Variants in IQCM observed in about 807,000 individuals in gnomAD.
IQCM encodes the protein IQ domain-containing protein M.
A neutral mutation model predicts 57.6 loss-of-function variants in IQCM; 45 were observed. The ratio of observed to expected loss-of-function variants is 0.78; its 90% confidence interval spans 0.62 to 1.00. The LOEUF (loss-of-function observed/expected upper bound fraction) is 1.00. Ranked by LOEUF, IQCM falls within the 50% of genes least tolerant of loss-of-function variation. The pLI, the probability that IQCM is intolerant of heterozygous loss-of-function variation, is 0.00. For synonymous variants in IQCM, 148 were observed against 158.9 expected, an observed-to-expected ratio of 0.93 and a Z score of 0.51; for missense variants, 468 against 511.6, an observed-to-expected ratio of 0.91 and a Z score of 0.82.
chr4:149,363,152 A>C (rs1729608041), intron 13 of IQCM, among the ~76,000 whole-genome samples: 1 of 152,224 alleles, frequency 6.6e-6, no homozygotes, highest in East Asian at 1.9e-4. Flanking sequence ...CTCTGGGATC[A>C]GGGTAACTAG....
At chr4:149,510,642 G>A (rs1670835430) in intron 12 of IQCM, among the ~76,000 whole-genome samples, 1 of 151,980 alleles carries the variant, frequency 6.6e-6, no homozygotes, top group African/African-American at 2.4e-5. Flanking sequence ...ATGTCTTTCT[G>A]GTATCCTCTG....
intron 12 of IQCM, among the ~76,000 whole-genome samples, chr4:149,439,503 A>G (rs369139924): frequency 2.0e-5 from 3 of 152,066 alleles, no homozygotes; most frequent in African/African-American, 7.2e-5. Context: ...AATAACTCCA[A>G]TAGAATTATA....
chr4:149,807,016 C>T (rs1195535882), intron 2 of IQCM, among the ~76,000 whole-genome samples: 2 of 151,288 alleles, frequency 1.3e-5, no homozygotes, highest in Non-Finnish European at 3.0e-5. Context: ...GAAGAGGACA[C>T]AAAAAAATGG....
intron 8 of IQCM, among the ~76,000 whole-genome samples, chr4:149,588,627 G>C (rs1475253865): frequency 1.3e-5 from 2 of 151,760 alleles, no homozygotes; most frequent in Non-Finnish European, 2.9e-5. Flanking sequence ...ACGAGGAAAA[G>C]ATACCCAAGA....
At chr4:149,694,999 A>G (rs1045059991) in intron 5 of IQCM, among the ~76,000 whole-genome samples, 1 of 152,210 alleles carries the variant, frequency 6.6e-6, no homozygotes, top group African/African-American at 2.4e-5. Context: ...TTAAAGTTTC[A>G]AATTTATAGA....
chr4:149,757,943 T>C (rs2149954410), intron 2 of IQCM, among the ~76,000 whole-genome samples: 1 of 152,252 alleles, frequency 6.6e-6, no homozygotes. Context: ...ACTCATTGAT[T>C]AAACCATAGA....
At chr4:149,688,289 C>T (rs1399772423) in intron 5 of IQCM, among the ~76,000 whole-genome samples, 1 of 151,968 alleles carries the variant, frequency 6.6e-6, no homozygotes. Flanking sequence ...AAATCAGTAG[C>T]TCTTCCATAC....
intron 12 of IQCM, among the ~76,000 whole-genome samples, chr4:149,535,513 C>A (rs932562214): frequency 6.6e-6 from 1 of 151,958 alleles, no homozygotes; most frequent in Non-Finnish European, 1.5e-5. Flanking sequence ...CAAAAGGAAC[C>A]AAAAGTCCTG....
chr4:149,452,495 T>G (rs1579104693), intron 12 of IQCM, among the ~76,000 whole-genome samples: 1 of 151,388 alleles, frequency 6.6e-6, no homozygotes, highest in South Asian at 2.1e-4. Flanking sequence ...AATAAATAGA[T>G]CAATAGAATT....
intron 5 of IQCM, among the ~76,000 whole-genome samples, chr4:149,692,666 G>A (rs1763027300): frequency 6.6e-6 from 1 of 152,014 alleles, no homozygotes; most frequent in Non-Finnish European, 1.5e-5. Flanking sequence ...CTCTAAAAAG[G>A]CAATTAAAAC....
intron 10 of IQCM, among the ~76,000 whole-genome samples, chr4:149,554,776 T>G (rs899998770): frequency 1.3e-5 from 2 of 151,736 alleles, no homozygotes; most frequent in South Asian, 2.1e-4. Context: ...CTCGGCTCAC[T>G]GCAAGCTCCA....
intron 13 of IQCM, among the ~76,000 whole-genome samples, chr4:149,427,789 A>G (rs1734563918): frequency 6.6e-6 from 1 of 151,960 alleles, no homozygotes; most frequent in Admixed American, 6.6e-5. Flanking sequence ...TCCATTTGCA[A>G]CTACCAAAGA....
chr4:149,774,923 TA>T (rs1044535534), intron 2 of IQCM, among the ~76,000 whole-genome samples: 1 of 152,022 alleles, frequency 6.6e-6, no homozygotes, highest in Non-Finnish European at 1.5e-5. Flanking sequence ...ATTAGACATT[TA>T]TTTTTTTCAC....
At position 149,488,343 on chromosome 4, in the gene IQCM, T is replaced by C. The variant is rs936671959; in HGVS notation, c.1229-54786A>G. On this transcript the variant is annotated intron_variant, in intron 12 of 13. Coordinates refer to ENST00000636793, the MANE Select transcript of IQCM (RefSeq NM_001363507.2). ...TAAAACAGGCATAAAAATATAGTTA[T>C]GCTAAAATGAGCCAACTATTTCAAA... 5.9e-5 allele frequency among the ~76,000 whole-genome samples: 9 copies of C among 152,302 alleles called. No individual in the cohort carries two copies. In the South Asian group the frequency reaches 1.9e-3, roughly 32 times the overall value.
At chr4:149,366,514 TTGA>T (rs1290914036) in intron 13 of IQCM, among the ~76,000 whole-genome samples, 2 of 151,916 alleles carry the variant, frequency 1.3e-5, no homozygotes, top group Admixed American at 6.6e-5. Flanking sequence ...TCATGTCTGT[TTGA>T]TGAATTCCCA....
At chr4:149,651,821 G>T (rs1579855712) in intron 7 of IQCM, among the ~76,000 whole-genome samples, 1 of 152,300 alleles carries the variant, frequency 6.6e-6, no homozygotes, top group Non-Finnish European at 1.5e-5. Flanking sequence ...GTGAGGATGT[G>T]AAGAAATAGA....
At chr4:149,633,951 C>T (rs935372140) in intron 7 of IQCM, among the ~76,000 whole-genome samples, 1 of 152,168 alleles carries the variant, frequency 6.6e-6, no homozygotes, top group Non-Finnish European at 1.5e-5. Flanking sequence ...TGAATCTACT[C>T]TAATTATTAA....
chr4:149,594,706 A>G (rs1017123675), intron 8 of IQCM, among the ~76,000 whole-genome samples: 1 of 152,052 alleles, frequency 6.6e-6, no homozygotes, highest in African/African-American at 2.4e-5. Flanking sequence ...CCTTCATTTC[A>G]TTATGTACCC....
At chr4:149,399,533 G>A (rs1732470543) in intron 13 of IQCM, among the ~76,000 whole-genome samples, 1 of 151,986 alleles carries the variant, frequency 6.6e-6, no homozygotes, top group South Asian at 2.1e-4. Flanking sequence ...CAACAAAAAT[G>A]TAAATATAAA....
Sources: gnomAD v4.1 joint callset for allele counts (sites outside exome capture counted in the v4.1 genomes callset) on GRCh38, gnomAD v4.1.1 for gene constraint, MANE v1.5 for transcripts, NCBI Gene and HGNC (gene_info 2026-07-23, HGNC 2026-07-21) for gene names.